The following CCZ1 variants were observed in gnomAD, a reference collection of about 807,000 sequenced individuals.
CCZ1 encodes CCZ1 vacuolar protein trafficking and biogenesis associated.
In CCZ1, 19 loss-of-function variants were observed where a neutral mutation model predicts 57.8. That is an observed-to-expected ratio of 0.33 (90% CI 0.23 to 0.48). The LOEUF is 0.48. Among genes scored for constraint, CCZ1 ranks in the 20% least tolerant of loss-of-function variants. The probability of loss-of-function intolerance (pLI) is 0.99; values close to 1 mark genes in which losing one functional copy is unlikely to be tolerated. For missense variants in CCZ1, 200 were observed against 492.0 expected, an observed-to-expected ratio of 0.41 and a Z score of 5.61; for synonymous variants, 81 against 167.0, an observed-to-expected ratio of 0.49 and a Z score of 3.97.
At position 5,901,601 on chromosome 7, in the gene CCZ1, A is replaced by G. The variant is rs1159995444; in HGVS notation, c.391-56A>G. 3 of 1,556,664 alleles carry G rather than the reference A, an allele frequency of 1.9e-6. 1 individual carries two copies. The African/African-American group carries it at 4.2e-5, about 22-fold the overall frequency. On this transcript the variant is annotated intron_variant, in intron 4 of 14. Transcript: ENST00000325974. ...GTTAGTGTACCTTTGCCATCTATCC[A>G]GTAGACATTGTTTTTCCCTTGAACT...
At chr7:5,902,384 T>C (rs1781705170) in intron 5 of CCZ1, 1 of 330,684 alleles carries the variant, frequency 3.0e-6, no homozygotes, top group Non-Finnish European at 5.2e-6. Context: ...ATGTGGGTGA[T>C]ATTATGTATG....
intron 14 of CCZ1, chr7:5,924,596 G>T: frequency 7.3e-6 from 1 of 137,398 alleles, no homozygotes; most frequent in Non-Finnish European, 1.6e-5. Flanking sequence ...AAGCTGCCGG[G>T]TTCACGTAGC....
intron 4 of CCZ1, 50 bp from the exon 5 acceptor site, chr7:5,901,607 C>T: frequency 6.4e-7 from 1 of 1,560,634 alleles, no homozygotes; most frequent in Middle Eastern, 1.7e-4. Flanking sequence ...ATCCAGTAGA[C>T]ATTGTTTTTC....
At chr7:5,916,318 G>A (rs1779143303) in intron 10 of CCZ1, among the ~76,000 whole-genome samples, 1 of 119,774 alleles carries the variant, frequency 8.3e-6, no homozygotes, top group Admixed American at 8.4e-5. Context: ...AAAACCAGGG[G>A]GAAGGAAGAA....
At chr7:5,904,088 ATTTT>A (rs746657675) in intron 6 of CCZ1, among the ~76,000 whole-genome samples, 1,078 of 84,362 alleles carry the variant, frequency 0.013, 15 homozygotes, top group Admixed American at 0.016. Flanking sequence ...CAGGGAGTTA[ATTTT>A]TTTTTTTTTT....
At position 5,904,652 on chromosome 7, in the gene CCZ1, A is replaced by C. The variant is rs1373012336; in HGVS notation, c.523-442A>C. Among the ~76,000 whole-genome samples the C allele has an allele frequency of 4.8e-5, 7 of 147,224 alleles. 2 individuals are homozygous for C. In the East Asian group the frequency reaches 1.6e-3, roughly 33 times the overall value. On this transcript the variant is annotated intron_variant, in intron 6 of 14. Transcript: ENST00000325974. ...TGAGACCATCCTGGCTAACATGGTGAAACCCCATCTCTACTAAAAATGGAA... is the reference window on the plus strand; with the variant it reads ...TGAGACCATCCTGGCTAACATGGTGCAACCCCATCTCTACTAAAAATGGAA...
At chr7:5,920,804 T>C (rs1779226880) in intron 12 of CCZ1, among the ~76,000 whole-genome samples, 1 of 100,490 alleles carries the variant, frequency 1.0e-5, no homozygotes, top group East Asian at 2.5e-4. Flanking sequence ...AAATAGTTAT[T>C]ATAAAGTGAA....
At chr7:5,920,272 G>A (rs1274070788) in intron 12 of CCZ1, among the ~76,000 whole-genome samples, 3 of 117,244 alleles carry the variant, frequency 2.6e-5, no homozygotes, top group Non-Finnish European at 3.8e-5. Flanking sequence ...AGTCATCGGC[G>A]TGGTCTTGGT....
At chr7:5,915,500 A>G (rs2711217) in intron 10 of CCZ1, among the ~76,000 whole-genome samples, 14,672 of 93,182 alleles carry the variant, frequency 0.16, 855 homozygotes, top group South Asian at 0.25. Context: ...TGATGATGGG[A>G]TTGTGGCTAT....
intron 8 of CCZ1, among the ~76,000 whole-genome samples, chr7:5,911,595 A>C (rs984856679): frequency 6.0e-5 from 9 of 148,998 alleles, no homozygotes; most frequent in African/African-American, 2.2e-4. Flanking sequence ...TCACCTGGCC[A>C]AAAATTTAAA....
chr7:5,907,649 G>A (rs1016156978), intron 7 of CCZ1, among the ~76,000 whole-genome samples: 5 of 145,934 alleles, frequency 3.4e-5, no homozygotes, highest in South Asian at 2.3e-4. Flanking sequence ...ACAATCTGGC[G>A]CCCAGCTCTG....
intron 7 of CCZ1, among the ~76,000 whole-genome samples, chr7:5,908,563 A>C (rs532770802): frequency 6.8e-6 from 1 of 147,734 alleles, no homozygotes; most frequent in African/African-American, 2.5e-5. Context: ...ATTTTTTAGT[A>C]GAGACGGTGT....
At chr7:5,901,632 G>A in intron 4 of CCZ1, 25 bp from the exon 5 acceptor site, 1 of 1,591,254 alleles carries the variant, frequency 6.3e-7, no homozygotes, top group Non-Finnish European at 8.5e-7. Flanking sequence ...GAACTGAGCT[G>A]TGTGCTGTGT....
chr7:5,909,373 C>T (rs1405312377), intron 7 of CCZ1, among the ~76,000 whole-genome samples: 1 of 150,534 alleles, frequency 6.6e-6, no homozygotes. Flanking sequence ...TGTAATCCAG[C>T]CTGGGCGACA....
At chr7:5,902,868 G>C in intron 6 of CCZ1, 124 bp downstream of exon 6, 1 of 1,234,244 alleles carries the variant, frequency 8.1e-7, no homozygotes, top group Non-Finnish European at 1.1e-6. Flanking sequence ...CAAAGAGCCT[G>C]AGACAGACCG....
chr7:5,909,683 G>A (rs1583186042), intron 7 of CCZ1, among the ~76,000 whole-genome samples: 2 of 138,372 alleles, frequency 1.4e-5, no homozygotes, highest in East Asian at 2.3e-4. Context: ...GGGTGACAGA[G>A]CAAGACCTTG....
At chr7:5,899,959 A>C (rs1026230970) in intron 1 of CCZ1, among the ~76,000 whole-genome samples, 3 of 139,308 alleles carry the variant, frequency 2.2e-5, no homozygotes, top group African/African-American at 8.4e-5. Context: ...TTCAGATGTG[A>C]CTTACTGACT....
intron 7 of CCZ1, among the ~76,000 whole-genome samples, chr7:5,908,283 T>TA (rs1312487380): frequency 7.7e-6 from 1 of 130,162 alleles, no homozygotes; most frequent in Non-Finnish European, 1.7e-5. Context: ...GCCTGGACAA[T>TA]ATAATGAGGC....
At chr7:5,904,204 T>C (rs1460256540) in intron 6 of CCZ1, among the ~76,000 whole-genome samples, 3 of 135,028 alleles carry the variant, frequency 2.2e-5, no homozygotes, top group African/African-American at 8.7e-5. Context: ...GTGATTCTCC[T>C]GTCTCAGCCT....
Sources: gnomAD v4.1 joint callset for allele counts (sites outside exome capture counted in the v4.1 genomes callset) on GRCh38, gnomAD v4.1.1 for gene constraint, MANE v1.5 for transcripts, NCBI Gene and HGNC (gene_info 2026-07-23, HGNC 2026-07-21) for gene names.